Variants in USP34 observed in about 807,000 individuals in gnomAD.
The protein encoded by USP34 is ubiquitin specific peptidase 34, also known as ubiquitin carboxyl-terminal hydrolase 34.
Under a neutral mutation model 460.3 loss-of-function variants are expected in USP34, and 70 were observed. The ratio of observed to expected loss-of-function variants is 0.15; its 90% CI spans 0.13 to 0.19. The LOEUF (loss-of-function observed/expected upper bound fraction) is 0.19, where lower values mean the gene tolerates loss of function less well. Ranked by LOEUF, USP34 falls within the 10% of genes least tolerant of loss-of-function variation. The pLI is 1.00. For missense variants in USP34, 3,985 were observed against 4,236.2 expected (o/e 0.94, Z 1.65); for synonymous variants, 1,647 against 1,405.3 (o/e 1.17, Z -3.85).
Position 61,229,691 on chromosome 2 carries a change from A to G in USP34, c.7114-58T>C, listed in dbSNP as rs1687836904. The G allele has an allele frequency of 2.1e-5, 30 of 1,432,906 alleles. No individual in the cohort carries two copies. In the East Asian group the frequency reaches 7.0e-4, roughly 33 times the overall value. The allele number at this position is 1,432,906 out of a possible 1,614,324, so 88.8% of individuals were successfully genotyped here. A position where few individuals can be genotyped will look rare whatever the true frequency, so the allele number is the denominator to read the frequency against. On this transcript the variant is annotated intron_variant, in intron 58 of 79. Transcript: ENST00000398571. ...AACTCATCAGGTAACAAAGATTTGA[A>G]AAATTAACATGATTCAAAATTCTCT...
chr2:61,245,592 G>A (rs907158154), intron 50 of USP34, among the ~76,000 whole-genome samples: 2 of 151,612 alleles, frequency 1.3e-5, no homozygotes, highest in African/African-American at 4.8e-5. Context: ...TTAAGAGATT[G>A]GGAGAACTTT....
At chr2:61,279,094 GGTT>G (rs1689459067) in intron 39 of USP34, among the ~76,000 whole-genome samples, 1 of 151,108 alleles carries the variant, frequency 6.6e-6, no homozygotes, top group African/African-American at 2.4e-5. Context: ...GGCAAGCCCA[GGTT>G]GTTTTTTTTT....
At chr2:61,458,896 T>C (rs1307262961) in intron 1 of USP34, among the ~76,000 whole-genome samples, 2 of 151,772 alleles carry the variant, frequency 1.3e-5, no homozygotes, top group African/African-American at 4.9e-5. Context: ...TGAAACCCCA[T>C]TCCTACTAAA....
At chr2:61,466,262 T>C (rs1471390153) in intron 1 of USP34, among the ~76,000 whole-genome samples, 2 of 151,606 alleles carry the variant, frequency 1.3e-5, no homozygotes, top group African/African-American at 4.8e-5. Context: ...CCATCTCTAC[T>C]AAAAATACAA....
intron 1 of USP34, among the ~76,000 whole-genome samples, chr2:61,440,707 G>A (rs1420282068): frequency 1.3e-5 from 2 of 151,492 alleles, no homozygotes; most frequent in East Asian, 2.0e-4. Flanking sequence ...TAGTAGAGAT[G>A]GGGTTTCGCC....
intron 1 of USP34, among the ~76,000 whole-genome samples, chr2:61,451,010 G>T (rs1183027137): frequency 3.3e-5 from 5 of 151,436 alleles, no homozygotes; most frequent in African/African-American, 1.2e-4. Flanking sequence ...ACGAGGTCAA[G>T]AGTTCAAGAC....
At position 61,253,837 on chromosome 2, in the gene USP34, T is replaced by C. The variant is rs148873917; in HGVS notation, c.6221+2547A>G. Among the ~76,000 whole-genome samples, 1,220 of 151,430 alleles carry C rather than the reference T, an allele frequency of 8.1e-3. 16 individuals are homozygous for C. The highest frequency in any genetic ancestry group is 0.029 in the African/African-American group (1,190 of 41,292). ...GCAACCTCTGCCTCCCAGGTTCAGG[T>C]GATTCTCCTGCCCCACCCTCCCAAG... On this transcript the variant is annotated intron_variant, in intron 48 of 79. Transcript: ENST00000398571.
intron 27 of USP34, among the ~76,000 whole-genome samples, chr2:61,303,085 G>A (rs1249437748): frequency 7.0e-6 from 1 of 142,756 alleles, no homozygotes; most frequent in Non-Finnish European, 1.5e-5. Context: ...TTTTTTTTTT[G>A]AGACGGAGTG....
In USP34 at chr2:61,256,644, T is replaced by G. The variant is rs1361830999; in HGVS notation, c.6127-166A>C. Among the ~76,000 whole-genome samples, 3 of 152,176 alleles carry G rather than the reference T, an allele frequency of 2.0e-5. No individual in the cohort carries two copies. The East Asian group carries it at 5.8e-4, about 29-fold the overall frequency. ...AACTGTTTTTCCTCATATTAAGATA[T>G]TCTATGAATCTTAGTAACTTTTTTG... On this transcript the variant is annotated intron_variant, in intron 47 of 79. Transcript: ENST00000398571.
intron 29 of USP34, among the ~76,000 whole-genome samples, chr2:61,300,368 T>C (rs1690182262): frequency 1.3e-5 from 2 of 151,882 alleles, no homozygotes; most frequent in South Asian, 2.1e-4. Flanking sequence ...TTTGTATTTT[T>C]AGTAGAGACG....
chr2:61,348,508 T>C (rs1691840961), intron 14 of USP34, 28 bp from the exon 15 acceptor site: 3 of 1,587,472 alleles, frequency 1.9e-6, no homozygotes, highest in Non-Finnish European at 2.6e-6. Context: ...TAGATTTAAA[T>C]AAATATTTAA....
chr2:61,469,283 A>C (rs13427106), intron 1 of USP34, among the ~76,000 whole-genome samples: 2,845 of 152,320 alleles, frequency 0.019, 83 homozygotes, highest in African/African-American at 0.063. Context: ...AAAACGATTA[A>C]CTTTCCAAGT....
chr2:61,325,222 C>T (rs1228496871), intron 21 of USP34, among the ~76,000 whole-genome samples, 153 bp downstream of exon 21: 1 of 143,342 alleles, frequency 7.0e-6, no homozygotes, highest in African/African-American at 2.6e-5. Flanking sequence ...GGATTTGTTA[C>T]AATACCCTGT....
intron 8 of USP34, among the ~76,000 whole-genome samples, chr2:61,374,159 G>GAAA (rs76561805): frequency 0.015 from 1,710 of 117,570 alleles, 41 homozygotes; most frequent in African/African-American, 0.051. Context: ...CCATCTCAGG[G>GAAA]AAAAAAAAAA....
chr2:61,198,441 G>C (rs778805920), intron 75 of USP34, among the ~76,000 whole-genome samples: 7 of 152,000 alleles, frequency 4.6e-5, no homozygotes, highest in Non-Finnish European at 8.8e-5. Flanking sequence ...AATATCCTCT[G>C]TATATTGGGA....
At chr2:61,229,071 A>T in intron 59 of USP34, 76 bp from the exon 60 acceptor site, 1 of 1,169,560 alleles carries the variant, frequency 8.6e-7, no homozygotes, top group Non-Finnish European at 1.1e-6. Context: ...GTACTTTTTA[A>T]ACTCTGAATT....
intron 33 of USP34, 112 bp from the exon 34 acceptor site, chr2:61,288,989 ATCAT>A: frequency 9.5e-7 from 1 of 1,049,308 alleles, no homozygotes; most frequent in Non-Finnish European, 1.4e-6. Context: ...CTAGTACTTA[ATCAT>A]GTACTATAAA....
At chr2:61,411,145 G>C (rs751651435) in intron 2 of USP34, among the ~76,000 whole-genome samples, 50 of 152,198 alleles carry the variant, frequency 3.3e-4, no homozygotes, top group South Asian at 6.2e-4. Flanking sequence ...AGCACTTTGG[G>C]GGGCAGAGGC....
At chr2:61,304,337 C>G (rs192793232) in intron 27 of USP34, among the ~76,000 whole-genome samples, 6 of 152,304 alleles carry the variant, frequency 3.9e-5, no homozygotes, top group Admixed American at 3.9e-4. Flanking sequence ...CAAAAGAGAA[C>G]TGCAATGACT....
Sources: allele counts gnomAD v4.1 joint callset (sites outside exome capture counted in the v4.1 genomes callset), GRCh38; gene constraint gnomAD v4.1.1; transcripts MANE v1.5; gene names NCBI Gene and HGNC (gene_info 2026-07-23, HGNC 2026-07-21).